Variants in DPP10 observed in about 807,000 individuals in gnomAD.
DPP10 encodes inactive dipeptidyl peptidase 10.
Under a neutral mutation model 120.9 loss-of-function variants are expected in DPP10, and 33 were observed. The ratio of observed to expected loss-of-function variants is 0.27; its 90% CI spans 0.21 to 0.37. DPP10 has a LOEUF of 0.37. Among genes scored for constraint, DPP10 ranks in the 10% least tolerant of loss-of-function variants. The pLI is 1.00. For synonymous variants in DPP10, 337 were observed against 326.1 expected (o/e 1.03, Z -0.36); for missense variants, 816 against 942.8 (o/e 0.87, Z 1.76).
intron 1 of DPP10, among the ~76,000 whole-genome samples, chr2:115,173,138 A>T (rs2053472557): frequency 6.6e-6 from 1 of 152,156 alleles, no homozygotes; most frequent in Non-Finnish European, 1.5e-5. Flanking sequence ...TCTCATGCTT[A>T]TAATGTATTC....
At chr2:115,353,447 T>C (rs1167800567) in intron 3 of DPP10, among the ~76,000 whole-genome samples, 3 of 152,200 alleles carry the variant, frequency 2.0e-5, no homozygotes, top group East Asian at 1.9e-4. Flanking sequence ...GTAATTGTTA[T>C]ACTTTGATCT....
intron 5 of DPP10, among the ~76,000 whole-genome samples, chr2:115,556,364 G>GTTTT (rs34615187): frequency 9.3e-5 from 12 of 128,678 alleles, no homozygotes; most frequent in South Asian, 2.5e-4. Flanking sequence ...TTTTTGGCAG[G>GTTTT]TTTTTTTTTT....
Position 115,711,482 on chromosome 2 carries a change from T to C in DPP10, c.577-16334T>C, listed in dbSNP as rs984920286. Among the ~76,000 whole-genome samples, 4 of 152,236 alleles carry C rather than the reference T, an allele frequency of 2.6e-5. No homozygotes were observed. In the South Asian group the frequency reaches 6.2e-4, roughly 24 times the overall value. ...ATGGAGTTTAAGATTACTCTAGCTG[T>C]TGTGTTCAGGATGGATTTATTCAAG... On this transcript the variant is annotated intron_variant, in intron 7 of 25. Transcript: ENST00000410059.
chr2:115,414,339 A>G (rs561774791), intron 3 of DPP10, among the ~76,000 whole-genome samples: 1 of 152,280 alleles, frequency 6.6e-6, no homozygotes, highest in South Asian at 2.1e-4. Context: ...TCTAGTTTCC[A>G]GCCAGATACT....
At position 114,781,478 on chromosome 2, in the gene DPP10, A is replaced by G. The variant is rs570259116; in HGVS notation, c.60+338640A>G. 2.0e-5 allele frequency among the ~76,000 whole-genome samples: 3 copies of G among 151,874 alleles called. No homozygotes were observed. In the East Asian group the frequency reaches 5.8e-4, roughly 29 times the overall value. On this transcript the variant is annotated intron_variant, in intron 1 of 25. Coordinates refer to ENST00000410059, the MANE Select transcript of DPP10 (RefSeq NM_020868.6). ...TTCTTTTGCAGAGGGGCACAGATAG[A>G]TCCATTATTTGTGACACATGGTACA...
intron 1 of DPP10, among the ~76,000 whole-genome samples, chr2:114,492,894 CCATGCTAAGCACTGGGGACA>C (rs1682129718): frequency 6.6e-6 from 1 of 152,112 alleles, no homozygotes; most frequent in South Asian, 2.1e-4. Flanking sequence ...TGTCCAGATG[CCATGCTAAGCACTGGGGACA>C]CAGGTATGAG....
chr2:115,670,664 C>T (rs1312938313), intron 5 of DPP10, among the ~76,000 whole-genome samples: 1 of 152,104 alleles, frequency 6.6e-6, no homozygotes, highest in East Asian at 1.9e-4. Context: ...ATATCTCAAT[C>T]AAAGTCTACG....
intron 1 of DPP10, among the ~76,000 whole-genome samples, chr2:115,056,589 C>A (rs1330893477): frequency 6.6e-6 from 1 of 152,076 alleles, no homozygotes; most frequent in East Asian, 1.9e-4. Flanking sequence ...GAACTCCTGG[C>A]CTCAAGTGAT....
chr2:115,572,867 A>G (rs981238489), intron 5 of DPP10, among the ~76,000 whole-genome samples: 12 of 152,182 alleles, frequency 7.9e-5, no homozygotes, highest in South Asian at 2.1e-4. Context: ...TGACTTTTGT[A>G]AGCCATGACT....
chr2:115,814,789 G>C lies in DPP10; in HGVS notation c.1701-4G>C, dbSNP rs778202263. 6.5e-7 allele frequency: 1 copy of C among 1,534,114 alleles called. No individual in the cohort carries two copies. Among genetic ancestry groups the C allele is most frequent in the African/African-American group, 1.4e-5 (1 of 73,938 alleles). ...GTTTTGGTCCAATATGTTGGTATTT[G>C]CAGGGATGAAGAACCAGGAGGCCAG... On this transcript the variant is annotated splice_polypyrimidine_tract_variant and splice_region_variant and intron_variant, in intron 19 of 25. Coordinates refer to ENST00000410059, the MANE Select transcript of DPP10 (RefSeq NM_020868.6).
intron 1 of DPP10, among the ~76,000 whole-genome samples, chr2:114,556,470 G>T (rs1450881872): frequency 6.6e-6 from 1 of 151,822 alleles, no homozygotes; most frequent in African/African-American, 2.4e-5. Context: ...AAGACTTTGT[G>T]GGTAGTGAAG....
At chr2:115,699,065 A>T (rs2091763835) in intron 7 of DPP10, among the ~76,000 whole-genome samples, 1 of 149,464 alleles carries the variant, frequency 6.7e-6, no homozygotes. Context: ...GAAGACTCAA[A>T]TTCCTAAAAT....
intron 1 of DPP10, among the ~76,000 whole-genome samples, chr2:114,787,577 T>C (rs918593889): frequency 3.3e-5 from 5 of 152,238 alleles, no homozygotes; most frequent in African/African-American, 9.6e-5. Context: ...CCTGTCTTGC[T>C]GCTCTCTAAA....
intron 1 of DPP10, among the ~76,000 whole-genome samples, chr2:114,934,546 C>G (rs553350047): frequency 2.4e-4 from 36 of 152,082 alleles, no homozygotes; most frequent in South Asian, 6.2e-4. Flanking sequence ...TCAAGGATGG[C>G]AGAGGCAGAG....
At chr2:115,630,588 C>A (rs1575389436) in intron 5 of DPP10, among the ~76,000 whole-genome samples, 1 of 151,930 alleles carries the variant, frequency 6.6e-6, no homozygotes, top group Admixed American at 6.6e-5. Context: ...CCTTCAATAC[C>A]TAGTTTATTG....
intron 1 of DPP10, among the ~76,000 whole-genome samples, chr2:115,168,757 G>C (rs1196407811): frequency 6.6e-6 from 1 of 152,052 alleles, no homozygotes; most frequent in African/African-American, 2.4e-5. Context: ...GGGGAGACTG[G>C]GGCACTGAAA....
intron 7 of DPP10, among the ~76,000 whole-genome samples, chr2:115,714,931 G>C (rs2092438964): frequency 6.6e-6 from 1 of 151,280 alleles, no homozygotes; most frequent in Non-Finnish European, 1.5e-5. Flanking sequence ...TTGGGATGCT[G>C]AGGCTGGAGA....
rs190145844 is a variant in DPP10, at chr2:115,286,243, T to C, written c.61-22996T>C. 1.6e-3 allele frequency among the ~76,000 whole-genome samples: 245 copies of C among 151,600 alleles called. 2 individuals carry two copies. The highest frequency in any genetic ancestry group is 5.7e-3 in the African/African-American group (238 of 41,430). The stretch of plus-strand genomic sequence containing the variant: ...TAACATTTGGAGATATTTTGGCTGA[T>C]GCAGTTTTTGTGCTAATATTTTGGC... On this transcript the variant is annotated intron_variant, in intron 1 of 25. Transcript: ENST00000410059.
At chr2:114,986,787 T>C (rs1700421488) in intron 1 of DPP10, among the ~76,000 whole-genome samples, 1 of 152,186 alleles carries the variant, frequency 6.6e-6, no homozygotes, top group East Asian at 1.9e-4. Context: ...TGTTCTTTTC[T>C]CAGGATGGAG....
Sources: gnomAD v4.1 joint callset for allele counts (sites outside exome capture counted in the v4.1 genomes callset) on GRCh38, gnomAD v4.1.1 for gene constraint, MANE v1.5 for transcripts, NCBI Gene and HGNC (gene_info 2026-07-23, HGNC 2026-07-21) for gene names.